LYPD6B: variants seen among roughly 807,000 people sequenced by gnomAD.
LYPD6B encodes LY6/PLAUR domain containing 6B.
Under a neutral mutation model 22.8 loss-of-function variants are expected in LYPD6B, and 17 were observed. The observed-to-expected ratio is 0.75, with a 90% CI of 0.51 to 1.12. The LOEUF is 1.12. LYPD6B is among the 50% of genes most tolerant of loss of function. The pLI is 0.00. For synonymous variants in LYPD6B, 106 were observed against 91.6 expected (o/e 1.16, Z -0.90); for missense variants, 221 against 258.3 (o/e 0.86, Z 0.99).
chr2:149,049,648 C>T (rs569020728), intron 1 of LYPD6B, among the ~76,000 whole-genome samples: 13 of 152,220 alleles, frequency 8.5e-5, no homozygotes, highest in Admixed American at 4.6e-4. Context: ...ATACTAGAGC[C>T]GGTGCTAGGT....
intron 1 of LYPD6B, among the ~76,000 whole-genome samples, chr2:149,092,911 T>A (rs149489979): frequency 6.6e-6 from 1 of 152,322 alleles, no homozygotes; most frequent in African/African-American, 2.4e-5. Context: ...GCCATTGCTA[T>A]CTTGGGGATT....
At chr2:149,112,042 G>A (rs182517541) in intron 1 of LYPD6B, among the ~76,000 whole-genome samples, 99 of 152,310 alleles carry the variant, frequency 6.5e-4, no homozygotes, top group East Asian at 3.3e-3. Context: ...AGGGCAGTCC[G>A]GTTGAAGTGG....
rs573633948 is a variant in LYPD6B at position 149,135,680 on chromosome 2, A to G, written c.5+4727A>G. Reference sequence around the variant, plus strand: ...GCCTGCTGTGAGCCAAGATCATGCCACTGCACTCCAGCCTGGGCAACAGAG... The same window carrying G: ...GCCTGCTGTGAGCCAAGATCATGCCGCTGCACTCCAGCCTGGGCAACAGAG... On this transcript the variant is annotated intron_variant, in intron 2 of 6. Coordinates refer to ENST00000409642, the MANE Select transcript of LYPD6B (RefSeq NM_177964.5). 3.2e-4 allele frequency among the ~76,000 whole-genome samples: 43 copies of G among 134,164 alleles called. 1 individual carries two copies. The South Asian group carries it at 7.4e-3, about 23-fold the overall frequency. 88.0% of individuals were successfully genotyped at this position (134,164 alleles called of 152,430 possible). A position where few individuals can be genotyped will look rare whatever the true frequency, so the allele number is the denominator to read the frequency against.
chr2:149,189,342 TTATA>T lies in LYPD6B; in HGVS notation c.78-15888_78-15885del, dbSNP rs770703554. On this transcript the variant is annotated intron_variant, in intron 3 of 6. Coordinates refer to ENST00000409642, the MANE Select transcript of LYPD6B (RefSeq NM_177964.5). ...AACAATTTTTTTGATTTGTCCAAAA[TTATA>T]TATATATATATATATATATATACAC... Among the ~76,000 whole-genome samples the T allele has an allele frequency of 4.8e-4, 32 of 66,104 alleles. 1 individual carries two copies. The highest frequency in any genetic ancestry group is 3.3e-3 in the Admixed American group (20 of 6,090). The allele number at this position is 66,104 out of a possible 152,430, so 43.4% of individuals were successfully genotyped here.
At chr2:149,214,476 ATCTT>A (rs1272587357) in intron 6 of LYPD6B, 66 bp from the exon 7 acceptor site, 4 of 1,518,508 alleles carry the variant, frequency 2.6e-6, no homozygotes, top group Non-Finnish European at 1.8e-6. Flanking sequence ...CCTTTGTTTT[ATCTT>A]TCTTTCTTTT....
At chr2:149,193,848 C>A (rs1156704370) in intron 3 of LYPD6B, among the ~76,000 whole-genome samples, 1 of 152,064 alleles carries the variant, frequency 6.6e-6, no homozygotes, top group Non-Finnish European at 1.5e-5. Context: ...TTCAAATAAA[C>A]TTACATTTCC....
At chr2:149,114,079 A>T (rs114478180) in intron 1 of LYPD6B, among the ~76,000 whole-genome samples, 1 of 152,168 alleles carries the variant, frequency 6.6e-6, no homozygotes, top group South Asian at 2.1e-4. Context: ...TGTGGACAGA[A>T]CTTCAAGGAC....
intron 1 of LYPD6B, among the ~76,000 whole-genome samples, chr2:149,104,796 T>C (rs1315329009): frequency 2.0e-5 from 3 of 152,170 alleles, no homozygotes; most frequent in African/African-American, 7.2e-5. Context: ...CCCAAAGTCA[T>C]AAAGATTTTC....
At chr2:149,177,099 T>C (rs969698473) in intron 3 of LYPD6B, among the ~76,000 whole-genome samples, 2 of 152,212 alleles carry the variant, frequency 1.3e-5, no homozygotes, top group African/African-American at 4.8e-5. Flanking sequence ...TGTGGTGAAC[T>C]GAGGAACCAA....
chr2:149,045,123 A>G (rs1432454334), intron 1 of LYPD6B, among the ~76,000 whole-genome samples: 1 of 152,062 alleles, frequency 6.6e-6, no homozygotes, highest in Non-Finnish European at 1.5e-5. Flanking sequence ...TATTCAGATT[A>G]TCTATTTCTT....
At chr2:149,119,687 TTATCACTCTGC>T (rs1687186892) in intron 1 of LYPD6B, among the ~76,000 whole-genome samples, 1 of 152,216 alleles carries the variant, frequency 6.6e-6, no homozygotes, top group Admixed American at 6.5e-5. Flanking sequence ...CATCAATCTG[TTATCACTCTGC>T]TAGATAGGAT....
chr2:149,048,381 G>GT (rs1415719979), intron 1 of LYPD6B, among the ~76,000 whole-genome samples: 17 of 152,140 alleles, frequency 1.1e-4, no homozygotes, highest in Admixed American at 2.0e-4. Context: ...AATTCCTCTA[G>GT]TGATGCCTTG....
At chr2:149,060,293 T>C (rs1300404035) in intron 1 of LYPD6B, among the ~76,000 whole-genome samples, 1 of 152,180 alleles carries the variant, frequency 6.6e-6, no homozygotes, top group Non-Finnish European at 1.5e-5. Context: ...GTTACTTAAC[T>C]GTCTCTGCTG....
chr2:149,111,473 G>A (rs1331757497), intron 1 of LYPD6B, among the ~76,000 whole-genome samples: 2 of 152,088 alleles, frequency 1.3e-5, no homozygotes, highest in Non-Finnish European at 2.9e-5. Flanking sequence ...TAGATGGTGG[G>A]ATGGGGGTGG....
At chr2:149,178,648 T>C (rs749810415) in intron 3 of LYPD6B, among the ~76,000 whole-genome samples, 23 of 152,336 alleles carry the variant, frequency 1.5e-4, no homozygotes, top group Non-Finnish European at 2.1e-4. Context: ...AGAAATGCCT[T>C]TAATGCTTTC....
Position 149,204,277 on chromosome 2 carries a change from C to T in LYPD6B, c.78-976C>T, listed in dbSNP as rs139731649. On this transcript the variant is annotated intron_variant, in intron 3 of 6. Transcript: ENST00000409642. ...CAAGAGCTTGCCCAAGGTCAGGCAG[C>T]TAATAAATAGCAGAGCCAGCACCTG... Among the ~76,000 whole-genome samples, 14 of 152,316 alleles carry T rather than the reference C, an allele frequency of 9.2e-5. No individual in the cohort carries two copies. The East Asian group carries it at 2.7e-3, about 29-fold the overall frequency.
intron 1 of LYPD6B, among the ~76,000 whole-genome samples, chr2:149,069,706 T>G (rs1181256697): frequency 6.6e-6 from 1 of 152,130 alleles, no homozygotes; most frequent in Non-Finnish European, 1.5e-5. Context: ...CTCTGCATGT[T>G]ATTATTTTTA....
At chr2:149,094,591 C>T (rs1162293010) in intron 1 of LYPD6B, among the ~76,000 whole-genome samples, 2 of 152,110 alleles carry the variant, frequency 1.3e-5, no homozygotes, top group African/African-American at 4.8e-5. Flanking sequence ...GACTGGGATT[C>T]TTGAGAGCAT....
At position 149,062,269 on chromosome 2, in the gene LYPD6B, G is replaced by A. The variant is rs187133381; in HGVS notation, c.-67+23468G>A. 2.0e-3 allele frequency among the ~76,000 whole-genome samples: 303 copies of A among 152,322 alleles called. 2 individuals are homozygous for A. The highest frequency in any genetic ancestry group is 7.2e-4 in the Non-Finnish European group (49 of 68,034). ...CCCAAAGTGCTGGGATTACAGGCGTGAGCCACCGCGCCCGGCAGAATCTTT... is the reference window on the plus strand; with the variant it reads ...CCCAAAGTGCTGGGATTACAGGCGTAAGCCACCGCGCCCGGCAGAATCTTT... On this transcript the variant is annotated intron_variant, in intron 1 of 6. Transcript: ENST00000409642.
Sources: allele counts gnomAD v4.1 joint callset (sites outside exome capture counted in the v4.1 genomes callset), GRCh38; gene constraint gnomAD v4.1.1; transcripts MANE v1.5; gene names NCBI Gene and HGNC (gene_info 2026-07-23, HGNC 2026-07-21).